SEH1L: variants seen among roughly 807,000 people sequenced by gnomAD.
SEH1L encodes the protein SEH1 like nucleoporin, also known as nucleoporin SEH1.
Under a neutral mutation model 49.5 loss-of-function variants are expected in SEH1L, and 18 were observed. The observed-to-expected ratio is 0.36, with a 90% CI of 0.25 to 0.54. The LOEUF (loss-of-function observed/expected upper bound fraction) is 0.54. Ranked by LOEUF, SEH1L falls within the 20% of genes least tolerant of loss-of-function variation. The pLI is 0.87. For synonymous variants in SEH1L, 169 were observed against 178.1 expected (o/e 0.95, Z 0.41); for missense variants, 404 against 528.8 (o/e 0.76, Z 2.31).
chr18:12,980,330 G>A (rs1172625957), intron 6 of SEH1L, among the ~76,000 whole-genome samples: 11 of 109,988 alleles, frequency 1.0e-4, no homozygotes, highest in East Asian at 3.6e-4. Context: ...GGGCAGAGGC[G>A]CCCCTCACCT....
At chr18:12,985,196 GTGATGCATTTTCCC>G in intron 8 of SEH1L, 3 of 1,587,432 alleles carry the variant, frequency 1.9e-6, no homozygotes, top group Non-Finnish European at 2.6e-6. Context: ...TGTTAGATCT[GTGATGCATTTTCCC>G]TTTTCCATTT....
In SEH1L at chr18:12,980,247, GC is replaced by G. The variant is rs1287192565; in HGVS notation, c.761+1362del. Among the ~76,000 whole-genome samples the G allele has an allele frequency of 7.8e-4, 102 of 131,574 alleles. 1 individual carries two copies. The highest frequency in any genetic ancestry group is 9.5e-3 in the Middle Eastern group (2 of 210). 86.3% of individuals were successfully genotyped at this position (131,574 alleles called of 152,430 possible). A position where few individuals can be genotyped will look rare whatever the true frequency, so the allele number is the denominator to read the frequency against. On this transcript the variant is annotated intron_variant, in intron 6 of 8. Transcript: ENST00000399892. ...ACCTCCCTCCCGGACGGGGCGGCTG[GC>G]CCCCCCACCTCCCTCCCGGTCGGGG...
At chr18:12,983,944 C>CT in intron 7 of SEH1L, 96 bp from the exon 8 acceptor site, 1 of 846,620 alleles carries the variant, frequency 1.2e-6, no homozygotes, top group South Asian at 2.5e-5. Context: ...GCCTCTGTCT[C>CT]GTTTCTTTAA....
chr18:12,955,190 AT>A (rs753594962), intron 2 of SEH1L, among the ~76,000 whole-genome samples: 34 of 150,844 alleles, frequency 2.3e-4, no homozygotes, highest in South Asian at 6.3e-4. Flanking sequence ...ATCTGGCTAG[AT>A]TTTTCTTTTA....
chr18:12,956,052 T>C (rs1161177555), intron 3 of SEH1L, among the ~76,000 whole-genome samples: 1 of 150,880 alleles, frequency 6.6e-6, no homozygotes, highest in Non-Finnish European at 1.5e-5. Flanking sequence ...TAAAATTCTT[T>C]TTTTTTTTTT....
At chr18:12,962,083 T>C (rs1345474270) in intron 3 of SEH1L, among the ~76,000 whole-genome samples, 3 of 152,192 alleles carry the variant, frequency 2.0e-5, no homozygotes, top group Non-Finnish European at 4.4e-5. Context: ...TTTTGGTCCC[T>C]GTTAAAAGCC....
intron 3 of SEH1L, among the ~76,000 whole-genome samples, chr18:12,962,459 CTTTTTTTTT>C (rs3070220): frequency 1.7e-4 from 11 of 63,656 alleles, no homozygotes; most frequent in Non-Finnish European, 2.5e-4. Flanking sequence ...GCATGCCTTT[CTTTTTTTTT>C]TTTTTTTTTT....
At chr18:12,963,512 G>A in intron 4 of SEH1L, 141 bp downstream of exon 4, 2 of 630,876 alleles carry the variant, frequency 3.2e-6, no homozygotes, top group Non-Finnish European at 5.4e-6. Flanking sequence ...TTTCACCCAG[G>A]CATGTCATTT....
chr18:12,959,888 T>G (rs2031090026), intron 3 of SEH1L, among the ~76,000 whole-genome samples: 1 of 152,198 alleles, frequency 6.6e-6, no homozygotes, highest in Non-Finnish European at 1.5e-5. Context: ...GAGCAAACAC[T>G]GAGTCACCGG....
intron 3 of SEH1L, among the ~76,000 whole-genome samples, chr18:12,959,244 T>A (rs1429481434): frequency 6.6e-6 from 1 of 152,244 alleles, no homozygotes; most frequent in Non-Finnish European, 1.5e-5. Flanking sequence ...TATTAATCCC[T>A]TATCTGTTAT....
chr18:12,971,599 AC>A (rs1270413193), intron 5 of SEH1L: 8 of 147,272 alleles, frequency 5.4e-5, no homozygotes, highest in African/African-American at 2.1e-4. Flanking sequence ...GCGCTATTGC[AC>A]TCCAGGCTGG....
chr18:12,960,066 C>CA (rs779202819), intron 3 of SEH1L, among the ~76,000 whole-genome samples: 16 of 152,164 alleles, frequency 1.1e-4, no homozygotes, highest in Non-Finnish European at 1.8e-4. Flanking sequence ...GTCTGTGTTT[C>CA]TTTGGTCTCA....
chr18:12,958,498 T>A (rs1458645063), intron 3 of SEH1L, among the ~76,000 whole-genome samples: 1 of 152,120 alleles, frequency 6.6e-6, no homozygotes, highest in Non-Finnish European at 1.5e-5. Context: ...CAACATAAAC[T>A]CCATATTTTT....
chr18:12,979,713 C>G (rs2032089000), intron 6 of SEH1L, among the ~76,000 whole-genome samples: 2 of 148,680 alleles, frequency 1.3e-5, no homozygotes, highest in African/African-American at 2.5e-5. Context: ...CCCCCCACCT[C>G]CCTCCCGGAC....
intron 6 of SEH1L, among the ~76,000 whole-genome samples, chr18:12,981,153 G>A (rs2032235799): frequency 1.3e-5 from 2 of 151,302 alleles, no homozygotes; most frequent in Non-Finnish European, 2.9e-5. Flanking sequence ...ATGGGCGGCC[G>A]GGCAGAGACG....
chr18:12,952,316 T>C (rs942237542), intron 2 of SEH1L, among the ~76,000 whole-genome samples: 2 of 150,012 alleles, frequency 1.3e-5, no homozygotes, highest in African/African-American at 4.9e-5. Flanking sequence ...CACTGCAACC[T>C]CCGCCTGTTG....
chr18:12,963,491 T>C (rs1047196707), intron 4 of SEH1L, 120 bp downstream of exon 4: 5 of 725,246 alleles, frequency 6.9e-6, no homozygotes, highest in Non-Finnish European at 1.1e-5. Flanking sequence ...ATAGAGTATA[T>C]GTTCTCCATT....
intron 4 of SEH1L, 120 bp downstream of exon 4, chr18:12,963,491 T>G (rs1047196707): frequency 1.4e-6 from 1 of 725,246 alleles, no homozygotes; most frequent in African/African-American, 1.8e-5. Flanking sequence ...ATAGAGTATA[T>G]GTTCTCCATT....
At chr18:12,979,749 G>A (rs1330152149) in intron 6 of SEH1L, among the ~76,000 whole-genome samples, 1 of 138,636 alleles carries the variant, frequency 7.2e-6, no homozygotes, top group Non-Finnish European at 1.6e-5. Context: ...GCGGGGGGCT[G>A]ACCCCCCCAC....
Sources: gnomAD v4.1 joint callset for allele counts (sites outside exome capture counted in the v4.1 genomes callset) on GRCh38, gnomAD v4.1.1 for gene constraint, MANE v1.5 for transcripts, NCBI Gene and HGNC (gene_info 2026-07-23, HGNC 2026-07-21) for gene names.